The following NALF1 variants were observed in gnomAD, a reference collection of about 807,000 sequenced individuals.
NALF1 encodes the protein NALCN channel auxiliary factor 1, also known as family with sequence similarity 155 member A.
A neutral mutation model predicts 48.4 loss-of-function variants in NALF1; 3 were observed. The observed-to-expected ratio is 0.06, with a 90% CI of 0.03 to 0.16. NALF1 has a LOEUF of 0.16. Among genes scored for constraint, NALF1 ranks in the 10% least tolerant of loss-of-function variants. NALF1 has a pLI of 1.00. For missense variants in NALF1, 526 were observed against 571.5 expected, an observed-to-expected ratio of 0.92 and a Z score of 0.81; for synonymous variants, 262 against 245.7, an observed-to-expected ratio of 1.07 and a Z score of -0.62.
intron 1 of NALF1, among the ~76,000 whole-genome samples, chr13:107,325,887 TACACACACACACAC>T (rs1555332567): frequency 5.1e-5 from 3 of 58,910 alleles, no homozygotes; most frequent in Non-Finnish European, 1.1e-4. Context: ...TATATATATA[TACACACACACACAC>T]ACACACATAT....
chr13:107,274,471 C>T (rs993173334), intron 1 of NALF1, among the ~76,000 whole-genome samples: 1 of 152,050 alleles, frequency 6.6e-6, no homozygotes, highest in Non-Finnish European at 1.5e-5. Context: ...TTCAGGCAGG[C>T]GGATGGCTTG....
intron 1 of NALF1, among the ~76,000 whole-genome samples, chr13:107,835,610 G>T (rs971150654): frequency 1.3e-5 from 2 of 150,824 alleles, no homozygotes; most frequent in Non-Finnish European, 3.0e-5. Flanking sequence ...GTGAGCTTAG[G>T]GGCAGGCACA....
intron 1 of NALF1, among the ~76,000 whole-genome samples, chr13:107,553,513 T>C (rs924358111): frequency 6.6e-6 from 1 of 152,232 alleles, no homozygotes; most frequent in African/African-American, 2.4e-5. Context: ...ACCCTTTCAA[T>C]TGCTTCTGAA....
chr13:107,701,658 T>G (rs1462862433), intron 1 of NALF1, among the ~76,000 whole-genome samples: 5 of 152,146 alleles, frequency 3.3e-5, no homozygotes, highest in Non-Finnish European at 7.4e-5. Flanking sequence ...TCTAGAGATC[T>G]AGGTAGAACA....
chr13:107,199,723 T>C (rs974062557), intron 2 of NALF1, among the ~76,000 whole-genome samples: 3 of 152,192 alleles, frequency 2.0e-5, no homozygotes, highest in African/African-American at 7.2e-5. Context: ...GCCTCCATAC[T>C]GCATTGACAG....
At chr13:107,485,509 T>C (rs945152565) in intron 1 of NALF1, among the ~76,000 whole-genome samples, 1 of 152,150 alleles carries the variant, frequency 6.6e-6, no homozygotes, top group African/African-American at 2.4e-5. Flanking sequence ...ACATCAATTA[T>C]ATCCATTCCC....
At chr13:107,255,018 T>C (rs954175756) in intron 1 of NALF1, among the ~76,000 whole-genome samples, 3 of 152,190 alleles carry the variant, frequency 2.0e-5, no homozygotes, top group Admixed American at 2.0e-4. Context: ...ATTCAAAATA[T>C]CTTAATTTTC....
At chr13:107,635,747 C>T (rs776439207) in intron 1 of NALF1, among the ~76,000 whole-genome samples, 2 of 152,142 alleles carry the variant, frequency 1.3e-5, no homozygotes, top group Non-Finnish European at 2.9e-5. Flanking sequence ...CCATAAGCCG[C>T]ACATGACTGT....
intron 1 of NALF1, among the ~76,000 whole-genome samples, chr13:107,413,443 T>C (rs1336045055): frequency 1.3e-5 from 2 of 151,996 alleles, no homozygotes; most frequent in African/African-American, 4.8e-5. Context: ...AAGAAAATGC[T>C]GAAAACTCGT....
intron 2 of NALF1, among the ~76,000 whole-genome samples, chr13:107,198,957 C>G (rs954558109): frequency 1.3e-5 from 2 of 152,168 alleles, no homozygotes; most frequent in African/African-American, 4.8e-5. Context: ...ACTCCCAGTA[C>G]GCTAACATGT....
intron 1 of NALF1, among the ~76,000 whole-genome samples, chr13:107,305,378 T>A (rs1335734848): frequency 6.6e-6 from 1 of 152,248 alleles, no homozygotes. Flanking sequence ...TGCTGATTGC[T>A]TACGCAATAA....
At chr13:107,632,953 G>T (rs1475018648) in intron 1 of NALF1, among the ~76,000 whole-genome samples, 1 of 150,354 alleles carries the variant, frequency 6.7e-6, no homozygotes, top group South Asian at 2.1e-4. Context: ...ATTTCACTTG[G>T]TGCAGCTCCC....
intron 1 of NALF1, among the ~76,000 whole-genome samples, chr13:107,359,703 G>A (rs1883027347): frequency 6.6e-6 from 1 of 151,422 alleles, no homozygotes; most frequent in African/African-American, 2.4e-5. Context: ...CTGCCTCTAG[G>A]GGGTGGCATT....
chr13:107,198,891 T>A (rs1879449699), intron 2 of NALF1, among the ~76,000 whole-genome samples: 1 of 152,196 alleles, frequency 6.6e-6, no homozygotes, highest in Admixed American at 6.5e-5. Context: ...TTCCCCTTTT[T>A]ATACGCTGTT....
intron 1 of NALF1, among the ~76,000 whole-genome samples, chr13:107,570,314 G>A (rs1039458775): frequency 5.9e-5 from 9 of 151,854 alleles, no homozygotes; most frequent in Non-Finnish European, 1.0e-4. Context: ...AAGTATGATC[G>A]TAGATACAGA....
At chr13:107,460,428 C>G (rs2139042699) in intron 1 of NALF1, among the ~76,000 whole-genome samples, 1 of 152,362 alleles carries the variant, frequency 6.6e-6, no homozygotes, top group South Asian at 2.1e-4. Context: ...AATTGACATT[C>G]CAGGTATTAT....
At chr13:107,422,786 A>C (rs1280438737) in intron 1 of NALF1, among the ~76,000 whole-genome samples, 1 of 152,186 alleles carries the variant, frequency 6.6e-6, no homozygotes, top group Admixed American at 6.6e-5. Flanking sequence ...TAATATAATT[A>C]CAATGTTCCT....
chr13:107,640,633 G>T (rs1880125934), intron 1 of NALF1, among the ~76,000 whole-genome samples: 1 of 152,004 alleles, frequency 6.6e-6, no homozygotes, highest in Non-Finnish European at 1.5e-5. Flanking sequence ...TATCAGCCAG[G>T]GGACAATATT....
At chr13:107,810,287 C>A (rs2138605839) in intron 1 of NALF1, among the ~76,000 whole-genome samples, 1 of 152,168 alleles carries the variant, frequency 6.6e-6, no homozygotes, top group East Asian at 1.9e-4. Context: ...ATTTTCCTGC[C>A]CTTTTATAAT....
Sources: gnomAD v4.1 joint callset for allele counts (sites outside exome capture counted in the v4.1 genomes callset) on GRCh38, gnomAD v4.1.1 for gene constraint, MANE v1.5 for transcripts, NCBI Gene and HGNC (gene_info 2026-07-23, HGNC 2026-07-21) for gene names.